ALDH18A1: variants seen among roughly 807,000 people sequenced by gnomAD.
The protein encoded by ALDH18A1 is delta-1-pyrroline-5-carboxylate synthase.
In ALDH18A1, 44 loss-of-function variants were observed where a neutral mutation model predicts 88.8. That is an observed-to-expected ratio of 0.50 (90% CI 0.39 to 0.64). The LOEUF (loss-of-function observed/expected upper bound fraction) is 0.64. ALDH18A1 is among the 30% of genes least tolerant of loss of function. The probability of loss-of-function intolerance (pLI) is 0.00; values close to 1 mark genes in which losing one functional copy is unlikely to be tolerated. For missense variants in ALDH18A1, 782 were observed against 1,009.5 expected (o/e 0.77, Z 3.05); for synonymous variants, 331 against 372.1 (o/e 0.89, Z 1.27).
Position 95,610,383 on chromosome 10 carries a change from G to A in ALDH18A1, c.2111-91C>T, listed in dbSNP as rs530752063. ...TTGACTGGTGACAGATCAGGGCAGG[G>A]TCTGGGTCCCCACTGGGGCCTCTCC... On this transcript the variant is annotated intron_variant, in intron 16 of 17. Coordinates refer to ENST00000371224, the MANE Select transcript of ALDH18A1 (RefSeq NM_002860.4). 3.2e-5 allele frequency: 41 copies of A among 1,292,010 alleles called. 2 individuals are homozygous for A. The African/African-American group carries it at 4.0e-4, about 12-fold the overall frequency. The allele number at this position is 1,292,010 out of a possible 1,614,324, so 80.0% of individuals were successfully genotyped here.
chr10:95,633,429 A>ATGCAGCATAGCATGGTGTTAGTGTC, intron 6 of ALDH18A1, 62 bp downstream of exon 6: 2 of 1,594,500 alleles, frequency 1.3e-6, no homozygotes, highest in Non-Finnish European at 1.7e-6. Flanking sequence ...GTGTTAGTGC[A>ATGCAGCATAGCATGGTGTTAGTGTC]TGCAGCATAG....
intron 1 of ALDH18A1, among the ~76,000 whole-genome samples, chr10:95,654,919 T>C (rs977928504): frequency 9.2e-5 from 14 of 151,980 alleles, no homozygotes; most frequent in African/African-American, 2.4e-4. Context: ...CTAAGAAACC[T>C]TCCCCAGCAA....
At chr10:95,645,854 AG>A (rs1408263272) in intron 2 of ALDH18A1, among the ~76,000 whole-genome samples, 7 of 152,118 alleles carry the variant, frequency 4.6e-5, no homozygotes, top group Admixed American at 4.6e-4. Context: ...TTTGTTGTTG[AG>A]GCTAAGTTTT....
chr10:95,633,127 C>G, intron 6 of ALDH18A1, 78 bp from the exon 7 acceptor site: 5 of 1,373,912 alleles, frequency 3.6e-6, no homozygotes, highest in Non-Finnish European at 5.2e-6. Context: ...CACAGCCAAG[C>G]TCAGGCAAAA....
At chr10:95,613,360 A>G (rs1565997579) in intron 15 of ALDH18A1, among the ~76,000 whole-genome samples, 1 of 152,196 alleles carries the variant, frequency 6.6e-6, no homozygotes, top group Non-Finnish European at 1.5e-5. Flanking sequence ...AATGTACATA[A>G]GTTTTTGGTT....
Position 95,653,303 on chromosome 10 carries a change from G to T in ALDH18A1, c.75C>A (p.Thr25=). ...TATGGTACATACGAGATCTGAAGAC[G>T]GTTGTACACTTGACCCAGGGCAGAA... ...QHLLPWVKCT[T]VFRSHCIQPS... The change falls in exon 2 of 18, where the codon ACC becomes ACA. Residue 25 remains threonine (T), a synonymous_variant. Coordinates refer to ENST00000371224, the MANE Select transcript of ALDH18A1 (RefSeq NM_002860.4). 6.2e-7 allele frequency: 1 copy of T among 1,611,776 alleles called. No individual in the cohort carries two copies. Among genetic ancestry groups the T allele is most frequent in the East Asian group, 2.2e-5 (1 of 44,858 alleles).
Position 95,614,077 on chromosome 10 carries a change from C to T in ALDH18A1, c.1690G>A (p.Val564Ile), listed in dbSNP as rs2097840471. 1 of 1,614,166 alleles carries T rather than the reference C, an allele frequency of 6.2e-7. No individual in the cohort carries two copies. Among genetic ancestry groups the T allele is most frequent in the East Asian group, 2.2e-5 (1 of 44,886 alleles). ...LIIPRGSSQL[V>I]RDIQKAAKGI... ...TTAGCAGCTTTCTGGATGTCTCTGA[C>T]CAGCTGGGAAGAGCCACGTGGAATG... Residue 564 changes from valine to isoleucine, a missense_variant, in exon 14 of 18, where the codon GTC becomes ATC. Transcript: ENST00000371224.
At chr10:95,636,625 A>G (rs1177070487) in intron 5 of ALDH18A1, among the ~76,000 whole-genome samples, 1 of 152,196 alleles carries the variant, frequency 6.6e-6, no homozygotes, top group Non-Finnish European at 1.5e-5. Flanking sequence ...TGAAAAACCA[A>G]CCAATCACCA....
At chr10:95,610,822 G>A (rs764594074) in intron 16 of ALDH18A1, among the ~76,000 whole-genome samples, 33 of 152,224 alleles carry the variant, frequency 2.2e-4, no homozygotes, top group Non-Finnish European at 3.7e-4. Context: ...TTCCTCATTG[G>A]GGCCCTACTG....
At chr10:95,629,725 ACTC>A (rs916002603) in intron 7 of ALDH18A1, among the ~76,000 whole-genome samples, 3 of 151,942 alleles carry the variant, frequency 2.0e-5, no homozygotes, top group African/African-American at 7.3e-5. Flanking sequence ...TAATGTGCCT[ACTC>A]CTCTTTTCCC....
Position 95,633,569 on chromosome 10 carries a change from C to A in ALDH18A1, c.639G>T (p.Met213Ile). 6.2e-7 allele frequency: 1 copy of A among 1,614,148 alleles called. No individual in the cohort carries two copies. The highest frequency in any genetic ancestry group is 1.1e-5 in the South Asian group (1 of 91,070). The change falls in exon 6 of 18, where the codon ATG becomes ATT. Residue 213 changes from methionine to isoleucine, a missense_variant. This residue lies in a region of ALDH18A1 where 132 missense variants were observed against 255.5 expected (regional missense o/e 0.52). Transcript: ENST00000371224. Reference sequence around the variant, plus strand: ...TTGTGTTGACAATGGGGACAATGTTCATTCTAAGGAGTTCATGAAGTGTTC... The same window carrying A: ...TTGTGTTGACAATGGGGACAATGTTAATTCTAAGGAGTTCATGAAGTGTTC... ...LNGTLHELLR[M>I]NIVPIVNTND...
chr10:95,655,647 G>A (rs895846808), intron 1 of ALDH18A1, among the ~76,000 whole-genome samples: 2 of 151,312 alleles, frequency 1.3e-5, no homozygotes, highest in Non-Finnish European at 1.5e-5. Context: ...TTACGCCCTC[G>A]AGAAGCACAC....
intron 3 of ALDH18A1, among the ~76,000 whole-genome samples, chr10:95,638,783 C>T (rs2097885909): frequency 6.6e-6 from 1 of 152,166 alleles, no homozygotes; most frequent in Non-Finnish European, 1.5e-5. Flanking sequence ...GTCAATATTC[C>T]TAAACTGTCC....
At chr10:95,610,354 G>T (rs2097831588) in intron 16 of ALDH18A1, 62 bp from the exon 17 acceptor site, 4 of 1,532,694 alleles carry the variant, frequency 2.6e-6, no homozygotes, top group Middle Eastern at 1.7e-4. Context: ...CCTGTTTCCA[G>T]CCATTGACTG....
intron 2 of ALDH18A1, 30 bp downstream of exon 2, chr10:95,653,260 A>G (rs756817455): frequency 6.5e-7 from 1 of 1,548,980 alleles, no homozygotes; most frequent in Non-Finnish European, 8.9e-7. Flanking sequence ...CAAACGTCCC[A>G]CATACTCATA....
chr10:95,631,954 C>T (rs750942615), intron 7 of ALDH18A1, among the ~76,000 whole-genome samples: 9 of 152,102 alleles, frequency 5.9e-5, no homozygotes, highest in East Asian at 1.9e-4. Flanking sequence ...CACACAAAAA[C>T]GTGTCATGAA....
rs185344575 is a variant in ALDH18A1, at chr10:95,619,680, A to G, written c.1467+1351T>C. Among the ~76,000 whole-genome samples, 319 of 152,346 alleles carry G rather than the reference A, an allele frequency of 2.1e-3. 1 individual carries two copies. Among genetic ancestry groups the G allele is most frequent in the Non-Finnish European group, 2.4e-3 (160 of 68,024 alleles). On this transcript the variant is annotated intron_variant, in intron 12 of 17. Coordinates refer to ENST00000371224, the MANE Select transcript of ALDH18A1 (RefSeq NM_002860.4). ...TTTGACAAACCTGACAAAAACAAGA[A>G]ATGGGGAAAGGATTCCCTATTTAAT...
At chr10:95,656,124 A>G (rs979051474) in intron 1 of ALDH18A1, among the ~76,000 whole-genome samples, 8 of 152,106 alleles carry the variant, frequency 5.3e-5, no homozygotes, top group African/African-American at 1.7e-4. Flanking sequence ...GCCGCGGGGA[A>G]CTAGGGACCC....
At chr10:95,644,669 G>C (rs372305762) in intron 2 of ALDH18A1, among the ~76,000 whole-genome samples, 1 of 152,222 alleles carries the variant, frequency 6.6e-6, no homozygotes, top group East Asian at 1.9e-4. Context: ...CCAGTCGAAA[G>C]ACTACATTTC....
Sources: allele counts gnomAD v4.1 joint callset (sites outside exome capture counted in the v4.1 genomes callset), GRCh38; gene constraint gnomAD v4.1.1; regional missense constraint gnomAD v4.1.1; transcripts MANE v1.5; gene names NCBI Gene and HGNC (gene_info 2026-07-23, HGNC 2026-07-21).